The following LIPJ variants were observed in gnomAD, a reference collection of about 807,000 sequenced individuals.
The protein encoded by LIPJ is lipase member J.
In LIPJ, 33 loss-of-function variants were observed where a neutral mutation model predicts 39.8. That is an observed-to-expected ratio of 0.83 (90% CI 0.63 to 1.11). The LOEUF is 1.11. Among genes scored for constraint, LIPJ ranks in the 50% least tolerant of loss-of-function variants. LIPJ has a pLI of 0.00. For missense variants in LIPJ, 422 were observed against 427.9 expected (o/e 0.99, Z 0.12); for synonymous variants, 128 against 139.2 (o/e 0.92, Z 0.57).
chr10:88,616,009 G>A, the LIPJ span, among the ~76,000 whole-genome samples: 3 of 152,062 alleles, frequency 2.0e-5, no homozygotes, highest in African/African-American at 4.8e-5. Flanking sequence ...GCTATAAATC[G>A]GAGACCAGCT....
chr10:88,590,669 T>C (rs1472849471), exon 3 of LIPJ: 3 of 1,582,952 alleles, frequency 1.9e-6, no homozygotes, highest in African/African-American at 2.7e-5. Flanking sequence ...ATTAAAGATC[T>C]GTGAAACCTG....
intron 8 of LIPJ, among the ~76,000 whole-genome samples, chr10:88,599,135 A>G (rs941830363): frequency 6.6e-6 from 1 of 151,202 alleles, no homozygotes; most frequent in African/African-American, 2.4e-5. Context: ...GACAGTTTCA[A>G]GTAGCCTGAA....
In LIPJ at chr10:88,596,565, C is replaced by T. The variant is rs935032039; in HGVS notation, c.576+149C>T. 3 of 931,918 alleles carry T rather than the reference C, an allele frequency of 3.2e-6. No homozygotes were observed. In the African/African-American group the frequency reaches 5.2e-5, roughly 16 times the overall value. The allele number at this position is 931,918 out of a possible 1,614,324, so 57.7% of individuals were successfully genotyped here. A position where few individuals can be genotyped will look rare whatever the true frequency, so the allele number is the denominator to read the frequency against. On this transcript the variant is annotated intron_variant, in intron 7 of 10. Transcript: ENST00000371939. ...CACTACATTCTTGTTTTTGTTTCTGCAAAGGAATACAATTTTACTTATTAT... is the reference window on the plus strand; with the variant it reads ...CACTACATTCTTGTTTTTGTTTCTGTAAAGGAATACAATTTTACTTATTAT...
chr10:88,593,341 GC>G (rs1002482592), intron 4 of LIPJ: 4 of 151,804 alleles, frequency 2.6e-5, no homozygotes, highest in Non-Finnish European at 4.4e-5. Flanking sequence ...GTCATGGCAA[GC>G]TCTTGTTCCT....
At chr10:88,613,792 A>ATG in the LIPJ span, among the ~76,000 whole-genome samples, 2 of 51,510 alleles carry the variant, frequency 3.9e-5, no homozygotes, top group African/African-American at 2.0e-4. Flanking sequence ...ATATATATAT[A>ATG]TATATATATG....
chr10:88,587,693 T>C (rs531029576), intron 2 of LIPJ, among the ~76,000 whole-genome samples: 10 of 152,168 alleles, frequency 6.6e-5, no homozygotes, highest in African/African-American at 2.2e-4. Context: ...CTTATGAAAG[T>C]TTGCCTCTTA....
the LIPJ span, among the ~76,000 whole-genome samples, chr10:88,622,451 G>C: frequency 1.1e-4 from 17 of 152,314 alleles, no homozygotes; most frequent in African/African-American, 4.1e-4. Context: ...ACTTTAGCCT[G>C]CATCTCAGTT....
chr10:88,612,460 C>A, the LIPJ span, among the ~76,000 whole-genome samples: 2 of 152,072 alleles, frequency 1.3e-5, no homozygotes, highest in African/African-American at 4.8e-5. Flanking sequence ...AACTCACCAA[C>A]CAAATTTCTC....
chr10:88,592,146 T>C (rs192155981), intron 4 of LIPJ: 1 of 152,038 alleles, frequency 6.6e-6, no homozygotes, highest in African/African-American at 2.4e-5. Flanking sequence ...GTGAAACAAA[T>C]AGAATGTTTC....
At chr10:88,603,109 A>C (rs1851551003) in intron 9 of LIPJ, among the ~76,000 whole-genome samples, 1 of 152,168 alleles carries the variant, frequency 6.6e-6, no homozygotes, top group African/African-American at 2.4e-5. Flanking sequence ...AAATAAAAAT[A>C]AAATGTTAGT....
chr10:88,614,750 A>G, the LIPJ span, among the ~76,000 whole-genome samples: 1 of 152,156 alleles, frequency 6.6e-6, no homozygotes, highest in East Asian at 1.9e-4. Flanking sequence ...AATTGTTTTC[A>G]AAAGTATTAA....
At chr10:88,620,380 T>C in the LIPJ span, among the ~76,000 whole-genome samples, 1 of 152,218 alleles carries the variant, frequency 6.6e-6, no homozygotes, top group South Asian at 2.1e-4. Context: ...AATTATATTA[T>C]TATGATTATG....
chr10:88,605,337 G>A (rs1264927345), intron 9 of LIPJ, among the ~76,000 whole-genome samples: 3 of 152,164 alleles, frequency 2.0e-5, no homozygotes, highest in African/African-American at 7.2e-5. Flanking sequence ...CTGAAGATTT[G>A]AGGGAGCCTG....
At chr10:88,596,293 T>C in exon 7 of LIPJ, 4 of 1,462,888 alleles carry the variant, frequency 2.7e-6, no homozygotes, top group Non-Finnish European at 1.8e-6. Flanking sequence ...TCATAACATT[T>C]TCTACTATAT....
upstream of LIPJ, chr10:88,583,185 CG>C (rs1850759630): frequency 2.5e-6 from 4 of 1,613,754 alleles, no homozygotes; most frequent in Non-Finnish European, 3.4e-6. Flanking sequence ...TCAGCACCTG[CG>C]CCATGGCGAG....
At chr10:88,589,520 G>C (rs377522424) in intron 2 of LIPJ, among the ~76,000 whole-genome samples, 1 of 151,866 alleles carries the variant, frequency 6.6e-6, no homozygotes, top group Non-Finnish European at 1.5e-5. Flanking sequence ...CCAAAGGAAA[G>C]AAGTGCAGCT....
At chr10:88,584,431 A>T (rs746263923), upstream of LIPJ, 21 of 152,252 alleles carry the variant, frequency 1.4e-4, no homozygotes, top group Admixed American at 9.2e-4. Context: ...TTATTTAAAA[A>T]CATTATTCAA....
At chr10:88,595,449 A>G (rs1290979888) in intron 6 of LIPJ, among the ~76,000 whole-genome samples, 3 of 151,720 alleles carry the variant, frequency 2.0e-5, no homozygotes, top group African/African-American at 7.2e-5. Flanking sequence ...TTATAGAAAT[A>G]ATCCACTTCC....
upstream of LIPJ, chr10:88,583,567 C>G: frequency 9.7e-7 from 1 of 1,030,882 alleles, no homozygotes; most frequent in Non-Finnish European, 1.2e-6. Context: ...CTATCTACTG[C>G]GATAACTCTC....
Sources: gnomAD v4.1 joint callset for allele counts (sites outside exome capture counted in the v4.1 genomes callset) on GRCh38, gnomAD v4.1.1 for gene constraint, MANE v1.5 for transcripts, NCBI Gene and HGNC (gene_info 2026-07-23, HGNC 2026-07-21) for gene names.